The following DOT1L variants were observed in gnomAD, a reference collection of about 807,000 sequenced individuals.
DOT1L encodes the protein DOT1 like histone lysine methyltransferase, also known as histone-lysine N-methyltransferase, H3 lysine-79 specific.
DOT1L carries 33 observed loss-of-function variants against 153.3 expected under a neutral mutation model. The observed-to-expected ratio is 0.22, with a 90% confidence interval of 0.16 to 0.29. The LOEUF is 0.29. Ranked by LOEUF, DOT1L falls within the 10% of genes least tolerant of loss-of-function variation. The pLI, the probability that DOT1L is intolerant of heterozygous loss-of-function variation, is 1.00. For missense variants in DOT1L, 1,847 were observed against 2,119.9 expected, an observed-to-expected ratio of 0.87 and a Z score of 2.53; for synonymous variants, 1,135 against 965.1, an observed-to-expected ratio of 1.18 and a Z score of -3.26.
intron 1 of DOT1L, among the ~76,000 whole-genome samples, chr19:2,167,734 CTTT>C (rs66826356): frequency 7.4e-5 from 10 of 134,694 alleles, no homozygotes; most frequent in Admixed American, 1.5e-4. Flanking sequence ...CTTTTCTTTT[CTTT>C]TTTTTTTTTT....
At chr19:2,219,445 G>A (rs1157754478) in intron 22 of DOT1L, among the ~76,000 whole-genome samples, 3 of 152,212 alleles carry the variant, frequency 2.0e-5, no homozygotes, top group Admixed American at 6.5e-5. Flanking sequence ...GTCTGGGCCT[G>A]TCCCTTCTCT....
chr19:2,201,391 A>G (rs1390661107), intron 8 of DOT1L, among the ~76,000 whole-genome samples: 1 of 134,404 alleles, frequency 7.4e-6, no homozygotes, highest in Non-Finnish European at 1.6e-5. Flanking sequence ...CATCCTCCCC[A>G]TGCCTCTCGT....
chr19:2,189,580 G>A (rs2022699366), intron 3 of DOT1L, 152 bp from the exon 4 acceptor site: 3 of 772,606 alleles, frequency 3.9e-6, no homozygotes, highest in African/African-American at 1.7e-5. Context: ...GGCGGAAAGC[G>A]AGGCTTCTGC....
chr19:2,194,970 C>G (rs1270827530), intron 7 of DOT1L, among the ~76,000 whole-genome samples: 1 of 152,136 alleles, frequency 6.6e-6, no homozygotes, highest in Admixed American at 6.5e-5. Context: ...GTCCTCAGTG[C>G]TGTGTTCTTC....
chr19:2,174,385 A>G (rs2144671392), intron 1 of DOT1L, among the ~76,000 whole-genome samples: 1 of 152,286 alleles, frequency 6.6e-6, no homozygotes, highest in East Asian at 1.9e-4. Flanking sequence ...TTGAGGGTCA[A>G]GTCTAAAAAT....
intron 1 of DOT1L, among the ~76,000 whole-genome samples, chr19:2,175,200 G>T (rs1335544477): frequency 1.3e-5 from 2 of 152,018 alleles, no homozygotes; most frequent in African/African-American, 4.8e-5. Context: ...GGGTTTCACT[G>T]TGTTAGCCAG....
chr19:2,226,726 A>G lies in DOT1L; in HGVS notation c.4205A>G (p.Lys1402Arg), dbSNP rs748235500. 9 of 1,562,592 alleles carry G rather than the reference A, an allele frequency of 5.8e-6. No homozygotes were observed. The highest frequency in any genetic ancestry group is 4.7e-5 in the South Asian group (4 of 84,472). ...CTACCGCTGTGCGGGCCCACGGACAAGACCCCACTGCTGAGCGGCAAGGCC... is the reference window on the plus strand; with the variant it reads ...CTACCGCTGTGCGGGCCCACGGACAGGACCCCACTGCTGAGCGGCAAGGCC... ...GGLPLCGPTD[K>R]TPLLSGKAAK... The change falls in exon 27 of 28, where the codon AAG becomes AGG. Residue 1402 changes from lysine to arginine, a missense_variant. Coordinates refer to ENST00000398665, the MANE Select transcript of DOT1L (RefSeq NM_032482.3).
chr19:2,208,543 C>T lies in DOT1L; in HGVS notation c.964-392C>T, dbSNP rs1283154310. On this transcript the variant is annotated intron_variant, in intron 11 of 27. Transcript: ENST00000398665. The surrounding 1 kb of genome is among the most constrained non-coding windows in gnomAD (Gnocchi z 4.4). ...GCCTACCGTGCGGCCCCCACCTCCA[C>T]GCAGTGCTGCTGCTTCAGCTGCCCT... 1.3e-5 allele frequency among the ~76,000 whole-genome samples: 2 copies of T among 152,330 alleles called. No individual in the cohort carries two copies. The highest frequency in any genetic ancestry group is 1.9e-4 in the East Asian group (1 of 5,186).
At chr19:2,181,828 C>T (rs1286618914) in intron 2 of DOT1L, among the ~76,000 whole-genome samples, 2 of 151,642 alleles carry the variant, frequency 1.3e-5, no homozygotes, top group East Asian at 1.9e-4. Flanking sequence ...GGCGGCCAGC[C>T]GCCTCTCTCT....
Position 2,214,607 on chromosome 19 carries a change from C to A in DOT1L, c.1923+11C>A, listed in dbSNP as rs752424867. The A allele has an allele frequency of 1.9e-5, 30 of 1,610,616 alleles. No individual in the cohort carries two copies. In the Admixed American group the frequency reaches 4.8e-4, roughly 26 times the overall value. The stretch of plus-strand genomic sequence containing the variant: ...TGCCTGGAGCTGCAGGTGGGCTGCG[C>A]GCGAGGCTGCACTCCGTGGTGTCCG... On this transcript the variant is annotated intron_variant, in intron 19 of 27. Coordinates refer to ENST00000398665, the MANE Select transcript of DOT1L (RefSeq NM_032482.3).
Position 2,222,065 on chromosome 19 carries a change from G to T in DOT1L, c.2896G>T (p.Asp966Tyr). 1 of 1,613,412 alleles carries T rather than the reference G, an allele frequency of 6.2e-7. No homozygotes were observed. Among genetic ancestry groups the T allele is most frequent in the Non-Finnish European group, 8.5e-7 (1 of 1,179,910 alleles). Residue 966 changes from aspartate (D) to tyrosine (Y), a missense_variant, in exon 24 of 28, where the codon GAT becomes TAT. Asp to Tyr is a radical substitution (Grantham distance 160). Transcript: ENST00000398665. The surrounding 1 kb of genome is among the most constrained non-coding windows in gnomAD (Gnocchi z 6.5). ...LTPGAEPATL[D>Y]ESSSSGSLFA... ...ACCTGGAGCCGAGCCGGCCACCTTG[G>T]ATGAGTCCTCCAGCTCTGGGAGCCT...
intron 3 of DOT1L, chr19:2,188,204 T>C (rs144743586): frequency 2.0e-5 from 3 of 152,380 alleles, no homozygotes; most frequent in Non-Finnish European, 4.4e-5. Context: ...CAGCTGCTGG[T>C]TAAGGAAAAC....
At chr19:2,194,212 C>G (rs1306774110) in intron 6 of DOT1L, among the ~76,000 whole-genome samples, 5 of 152,140 alleles carry the variant, frequency 3.3e-5, no homozygotes. Context: ...GCTCAGTCGC[C>G]CAGGCTGGAG....
intron 27 of DOT1L, chr19:2,227,392 A>G (rs1242431401): frequency 1.4e-6 from 1 of 697,552 alleles, no homozygotes; most frequent in Admixed American, 2.0e-5. Flanking sequence ...CCACCAGAGC[A>G]TTACTTTCTC....
Position 2,207,599 on chromosome 19 carries a change from G to A in DOT1L, c.882G>A (p.Val294=), listed in dbSNP as rs1259169836. The A allele has an allele frequency of 5.6e-6, 9 of 1,611,910 alleles. No homozygotes were observed. The highest frequency in any genetic ancestry group is 6.8e-6 in the Non-Finnish European group (8 of 1,179,732). ...ACATCGGCACCATCATGCGCGTGGTGGAGCTCTCGCCCCTGAAGGGCTCGG... is the reference window on the plus strand; with the variant it reads ...ACATCGGCACCATCATGCGCGTGGTAGAGCTCTCGCCCCTGAAGGGCTCGG... ...LSDIGTIMRV[V]ELSPLKGSVS... Residue 294 remains valine, a synonymous_variant, in exon 11 of 28, where the codon GTG becomes GTA. Coordinates refer to ENST00000398665, the MANE Select transcript of DOT1L (RefSeq NM_032482.3). The surrounding 1 kb of genome is among the most constrained non-coding windows in gnomAD (Gnocchi z 4.5).
At chr19:2,201,343 G>A (rs1406172038) in intron 8 of DOT1L, among the ~76,000 whole-genome samples, 2 of 115,172 alleles carry the variant, frequency 1.7e-5, no homozygotes, top group South Asian at 3.0e-4. Flanking sequence ...CCCTGCGCCC[G>A]TCGTCCTCCC....
chr19:2,180,634 A>G (rs2022187647), intron 1 of DOT1L, 79 bp from the exon 2 acceptor site: 1 of 1,561,524 alleles, frequency 6.4e-7, no homozygotes, highest in Non-Finnish European at 8.8e-7. Flanking sequence ...AGTTGACGGC[A>G]TCGCTTGTCC....
intron 23 of DOT1L, chr19:2,221,747 A>G (rs1012232538): frequency 3.4e-5 from 18 of 532,980 alleles, no homozygotes; most frequent in Non-Finnish European, 4.6e-5. Context: ...TGCAGGGCAC[A>G]GGCAGCCCAG....
intron 26 of DOT1L, 101 bp downstream of exon 26, chr19:2,225,553 C>T (rs569716584): frequency 8.7e-6 from 11 of 1,267,624 alleles, no homozygotes; most frequent in East Asian, 4.7e-5. Context: ...CATCGTGTCC[C>T]GCATGGTGCT....
Sources: gnomAD v4.1 joint callset for allele counts (sites outside exome capture counted in the v4.1 genomes callset) on GRCh38, gnomAD v4.1.1 for gene constraint, Gnocchi (gnomAD v3.1) non-coding constraint, MANE v1.5 for transcripts, NCBI Gene and HGNC (gene_info 2026-07-23, HGNC 2026-07-21) for gene names.